Variants in TTLL13 observed in about 807,000 individuals in gnomAD.
TTLL13 encodes tubulin polyglutamylase TTLL13.
chr15:90,262,969 C>G, the TTLL13 span: 1 of 1,535,374 alleles, frequency 6.5e-7, no homozygotes. Flanking sequence ...CTTGTAGCTG[C>G]TGCCGGGACA....
the TTLL13 span, among the ~76,000 whole-genome samples, chr15:90,256,565 C>CTTTCTTTCTTTCTT: frequency 2.5e-5 from 1 of 39,422 alleles, no homozygotes; most frequent in East Asian, 9.7e-4. Context: ...TTCTTTCTTT[C>CTTTCTTTCTTTCTT]TTTCTTTCTT....
the TTLL13 span, chr15:90,258,352 G>C: frequency 0.36 from 428,894 of 1,198,330 alleles, 82,135 homozygotes; most frequent in East Asian, 0.68. Flanking sequence ...GTACACTCAG[G>C]TGGTGGAACA....
At chr15:90,258,831 AC>A in the TTLL13 span, 1 of 1,614,110 alleles carries the variant, frequency 6.2e-7, no homozygotes, top group Non-Finnish European at 8.5e-7. Context: ...ACCCTTGTCA[AC>A]CTCCGGGGCT....
chr15:90,251,427 C>A, the TTLL13 span: 5 of 1,003,442 alleles, frequency 5.0e-6, no homozygotes, highest in Non-Finnish European at 1.6e-6. Context: ...CCCAGCCCAT[C>A]CTGGTCTGTC....
chr15:90,257,422 C>T, the TTLL13 span: 25 of 1,299,188 alleles, frequency 1.9e-5, no homozygotes, highest in Non-Finnish European at 2.6e-5. Context: ...AGCTGGGAGG[C>T]AAGTGTTTGG....
the TTLL13 span, among the ~76,000 whole-genome samples, chr15:90,256,593 C>CTTTCTTTCTTTCTTTCTT: frequency 1.0e-4 from 4 of 39,056 alleles, no homozygotes; most frequent in Non-Finnish European, 2.0e-4. Flanking sequence ...TTCTTTCTTT[C>CTTTCTTTCTTTCTTTCTT]TTTCTTTCTT....
the TTLL13 span, chr15:90,251,543 C>T: frequency 2.5e-6 from 4 of 1,613,640 alleles, no homozygotes; most frequent in Non-Finnish European, 3.4e-6. Context: ...TATGCTATTC[C>T]TCCATTCCAG....
At chr15:90,256,414 GT>G in the TTLL13 span, 1 of 1,294,678 alleles carries the variant, frequency 7.7e-7, no homozygotes, top group Middle Eastern at 2.6e-4. Flanking sequence ...CACTAGCCCC[GT>G]TTTCCTGGAG....
the TTLL13 span, chr15:90,251,430 G>T: frequency 9.7e-7 from 1 of 1,025,930 alleles, no homozygotes. Flanking sequence ...AGCCCATCCT[G>T]GTCTGTCTTT....
At chr15:90,262,666 A>G in the TTLL13 span, 565 of 1,484,580 alleles carry the variant, frequency 3.8e-4, no homozygotes, top group Admixed American at 1.1e-3. Context: ...ACTGGGAGAA[A>G]GAGGTGCCAG....
chr15:90,258,950 G>A, the TTLL13 span: 4 of 1,613,942 alleles, frequency 2.5e-6, no homozygotes, highest in African/African-American at 2.7e-5. Flanking sequence ...TCTGGCATGT[G>A]TTTAGTTCTT....
At chr15:90,256,063 T>G in the TTLL13 span, 1 of 1,573,524 alleles carries the variant, frequency 6.4e-7, no homozygotes, top group Non-Finnish European at 8.7e-7. Flanking sequence ...ATGGACTAGA[T>G]AGCAGGAAGA....
chr15:90,257,483 C>G, the TTLL13 span, among the ~76,000 whole-genome samples: 1 of 152,162 alleles, frequency 6.6e-6, no homozygotes, highest in East Asian at 1.9e-4. Flanking sequence ...AGCACACACT[C>G]TTCCCCAGGA....
chr15:90,249,781 A>T, the TTLL13 span: 1 of 152,196 alleles, frequency 6.6e-6, no homozygotes, highest in Non-Finnish European at 1.5e-5. Flanking sequence ...CGGACCCAGC[A>T]GCCCCTCAGC....
chr15:90,251,562 C>A, the TTLL13 span: 2 of 1,614,022 alleles, frequency 1.2e-6, no homozygotes, highest in Non-Finnish European at 1.7e-6. Context: ...AGATCACTGG[C>A]CATCAACCTG....
At chr15:90,263,955 C>T in the TTLL13 span, 3 of 1,535,486 alleles carry the variant, frequency 2.0e-6, no homozygotes, top group Non-Finnish European at 2.6e-6. Context: ...AGCCCAAGAA[C>T]TTCAACTGGA....
the TTLL13 span, among the ~76,000 whole-genome samples, chr15:90,253,081 G>A: frequency 6.6e-6 from 1 of 152,192 alleles, no homozygotes; most frequent in Admixed American, 6.5e-5. Context: ...CAGCCCCTAA[G>A]AACTTGAAAT....
the TTLL13 span, chr15:90,250,782 G>T: frequency 1.2e-6 from 2 of 1,614,136 alleles, no homozygotes; most frequent in Non-Finnish European, 1.7e-6. Flanking sequence ...TTAAAAAATG[G>T]GGTTCCCTCA....
At chr15:90,254,558 G>A in the TTLL13 span, among the ~76,000 whole-genome samples, 2 of 137,724 alleles carry the variant, frequency 1.5e-5, no homozygotes, top group East Asian at 7.4e-4. Context: ...TGCAGGCTGG[G>A]CACGGTGGAC....
Sources: allele counts gnomAD v4.1 joint callset (sites outside exome capture counted in the v4.1 genomes callset), GRCh38; gene constraint gnomAD v4.1.1; transcripts MANE v1.5; gene names NCBI Gene and HGNC (gene_info 2026-07-23, HGNC 2026-07-21).